DNMBP: variants seen among roughly 807,000 people sequenced by gnomAD.
DNMBP encodes dynamin-binding protein.
In DNMBP, 87 loss-of-function variants were observed where a neutral mutation model predicts 150.0. That is an observed-to-expected ratio of 0.58 (90% confidence interval 0.49 to 0.69). DNMBP has a LOEUF of 0.69. Ranked by LOEUF, DNMBP falls within the 30% of genes least tolerant of loss-of-function variation. The probability of loss-of-function intolerance (pLI) is 0.00; values close to 1 mark genes in which losing one functional copy is unlikely to be tolerated. For synonymous variants in DNMBP, 711 were observed against 750.4 expected (o/e 0.95, Z 0.86); for missense variants, 1,774 against 1,949.0 (o/e 0.91, Z 1.69).
chr10:99,894,720 A>AAGAGGGTGGAAAAAGTTGG (rs1226073023), intron 11 of DNMBP, among the ~76,000 whole-genome samples: 1 of 152,222 alleles, frequency 6.6e-6, no homozygotes, highest in Non-Finnish European at 1.5e-5. Context: ...GAAGACCAAA[A>AAGAGGGTGGAAAAAGTTGG]AGAGGGTGGA....
intron 4 of DNMBP, chr10:99,930,961 A>C: frequency 2.1e-6 from 1 of 484,830 alleles, no homozygotes; most frequent in Admixed American, 3.9e-5. Context: ...CCAATCAGCG[A>C]GCTACTCTAT....
At chr10:99,945,689 T>C (rs2040348690) in intron 4 of DNMBP, among the ~76,000 whole-genome samples, 1 of 152,208 alleles carries the variant, frequency 6.6e-6, no homozygotes, top group African/African-American at 2.4e-5. Context: ...CCAGTAATGT[T>C]TGTCCAGTGT....
At chr10:99,923,965 C>T (rs1018198911) in intron 4 of DNMBP, among the ~76,000 whole-genome samples, 6 of 152,128 alleles carry the variant, frequency 3.9e-5, no homozygotes, top group Non-Finnish European at 8.8e-5. Flanking sequence ...CCAGCCTGGC[C>T]AACATGGTGA....
intron 11 of DNMBP, among the ~76,000 whole-genome samples, chr10:99,891,322 T>A (rs1204561945): frequency 6.8e-6 from 1 of 146,352 alleles, no homozygotes; most frequent in Non-Finnish European, 1.5e-5. Context: ...TGCCTGCGAT[T>A]GCAGGCACGC....
chr10:99,983,981 A>T (rs1368339614), intron 1 of DNMBP, among the ~76,000 whole-genome samples: 3 of 151,942 alleles, frequency 2.0e-5, no homozygotes, highest in African/African-American at 4.8e-5. Context: ...ACTTCTATAA[A>T]TTTTTTTTGT....
intron 4 of DNMBP, among the ~76,000 whole-genome samples, chr10:99,917,610 C>T (rs557547952): frequency 4.6e-5 from 7 of 152,252 alleles, no homozygotes; most frequent in South Asian, 2.1e-4. Flanking sequence ...CCATTTCAAA[C>T]GTTCTTTACA....
chr10:100,001,322 T>C (rs908435822), intron 1 of DNMBP, among the ~76,000 whole-genome samples: 1 of 134,526 alleles, frequency 7.4e-6, no homozygotes, highest in African/African-American at 2.8e-5. Context: ...CTCCTCACCA[T>C]AGGGATGTTC....
At chr10:99,925,030 G>T (rs72840105) in intron 4 of DNMBP, among the ~76,000 whole-genome samples, 1 of 152,058 alleles carries the variant, frequency 6.6e-6, no homozygotes, top group African/African-American at 2.4e-5. Flanking sequence ...AAATGCAAAG[G>T]TCTTTCCCGA....
At chr10:99,990,043 C>T (rs1025416408) in intron 1 of DNMBP, among the ~76,000 whole-genome samples, 4 of 152,122 alleles carry the variant, frequency 2.6e-5, no homozygotes, top group African/African-American at 4.8e-5. Context: ...GTAAGCCCTC[C>T]GTAAATATTT....
chr10:99,892,024 G>A (rs541262616), intron 11 of DNMBP, among the ~76,000 whole-genome samples: 3 of 137,810 alleles, frequency 2.2e-5, no homozygotes, highest in African/African-American at 6.0e-5. Flanking sequence ...CCGGCCAGCC[G>A]CCCCGTCCGG....
chr10:99,908,073 C>T lies in DNMBP; in HGVS notation c.2476G>A (p.Gly826Arg). The T allele has an allele frequency of 6.2e-7, 1 of 1,613,574 alleles. No individual in the cohort carries two copies. The highest frequency in any genetic ancestry group is 8.5e-7 in the Non-Finnish European group (1 of 1,179,664). Residue 826 changes from glycine to arginine, a missense_variant, in exon 6 of 17, where the codon GGA (glycine) becomes AGA (arginine). Physicochemically the swap from Gly to Arg is moderately radical, Grantham distance 125. Coordinates refer to ENST00000324109, the MANE Select transcript of DNMBP (RefSeq NM_015221.4). ...QAQVPNIDFE[G>R]LFGNMQMVIK... ...ACCATCTGCATATTTCCAAAAAGTC[C>T]CTCAAAATCAATGTTTGGTACCTGA...
chr10:99,914,121 C>A, intron 4 of DNMBP: 1 of 1,346,578 alleles, frequency 7.4e-7, no homozygotes, highest in Non-Finnish European at 9.6e-7. Context: ...CGCAAGTCAC[C>A]CGGGCTATCA....
chr10:99,982,273 T>C (rs2040786767), intron 1 of DNMBP, among the ~76,000 whole-genome samples: 1 of 151,810 alleles, frequency 6.6e-6, no homozygotes, highest in South Asian at 2.1e-4. Context: ...GGTGAAATCC[T>C]GTCTCTATAA....
chr10:99,971,860 C>CTTTTT, intron 2 of DNMBP, 120 bp downstream of exon 2: 11 of 706,360 alleles, frequency 1.6e-5, no homozygotes, highest in South Asian at 4.8e-5. Flanking sequence ...TTCTTTCTTT[C>CTTTTT]TTTTTTTTTT....
rs1231520558 is a variant in DNMBP, at chr10:99,875,696, G to C, written c.*1455C>G. On this transcript the variant is annotated 3_prime_UTR_variant, in exon 17 of 17. Coordinates refer to ENST00000324109, the MANE Select transcript of DNMBP (RefSeq NM_015221.4). Reference sequence around the variant, plus strand: ...CTTCTGACCACGACCAGCAGACACTGTGGATGTTAGGACTCCACGGTGTCT... The same window carrying C: ...CTTCTGACCACGACCAGCAGACACTCTGGATGTTAGGACTCCACGGTGTCT... The C allele has an allele frequency of 6.6e-6, 1 of 152,056 alleles. No individual in the cohort carries two copies. Among genetic ancestry groups the C allele is most frequent in the African/African-American group, 2.4e-5 (1 of 41,318 alleles). 9.4% of individuals were successfully genotyped at this position (152,056 alleles called of 1,614,324 possible). A position where few individuals can be genotyped will look rare whatever the true frequency, so the allele number is the denominator to read the frequency against.
intron 4 of DNMBP, among the ~76,000 whole-genome samples, chr10:99,917,541 AAAG>A (rs1405226189): frequency 2.6e-5 from 4 of 152,216 alleles, no homozygotes; most frequent in Admixed American, 2.6e-4. Flanking sequence ...AAAGTAGAAA[AAAG>A]AACATTTGCT....
chr10:99,953,169 C>T lies in DNMBP; in HGVS notation c.2260+2045G>A, dbSNP rs140772591. On this transcript the variant is annotated intron_variant, in intron 4 of 16. Transcript: ENST00000324109. ...GGAAATAATTTGAATTTTCAGTGTG[C>T]CAGTATAGGAAGCGGTGAACTATAG... Among the ~76,000 whole-genome samples the T allele has an allele frequency of 5.8e-3, 886 of 152,174 alleles. 10 individuals are homozygous for T. Among genetic ancestry groups the T allele is most frequent in the South Asian group, 0.017 (81 of 4,810 alleles).
At chr10:100,006,094 G>A (rs1285908494) in intron 1 of DNMBP, among the ~76,000 whole-genome samples, 2 of 152,186 alleles carry the variant, frequency 1.3e-5, no homozygotes, top group Non-Finnish European at 2.9e-5. Flanking sequence ...TTCTGTTGAT[G>A]AGTAACAGCT....
intron 11 of DNMBP, among the ~76,000 whole-genome samples, chr10:99,890,340 G>T (rs1204003430): frequency 6.6e-6 from 1 of 151,986 alleles, no homozygotes; most frequent in Non-Finnish European, 1.5e-5. Context: ...TTTATTATTG[G>T]GCAGGCTTTT....
Sources: gnomAD v4.1 joint callset for allele counts (sites outside exome capture counted in the v4.1 genomes callset) on GRCh38, gnomAD v4.1.1 for gene constraint, MANE v1.5 for transcripts, NCBI Gene and HGNC (gene_info 2026-07-23, HGNC 2026-07-21) for gene names.